Variants in ADAP1 observed in about 807,000 individuals in gnomAD.
The protein encoded by ADAP1 is arf-GAP with dual PH domain-containing protein 1.
ADAP1 carries 31 observed loss-of-function variants against 54.9 expected under a neutral mutation model. The ratio of observed to expected loss-of-function variants is 0.56; its 90% CI spans 0.42 to 0.76. The LOEUF (loss-of-function observed/expected upper bound fraction) is 0.76. Among genes scored for constraint, ADAP1 ranks in the 30% least tolerant of loss-of-function variants. The pLI is 0.00. For synonymous variants in ADAP1, 313 were observed against 202.6 expected, an observed-to-expected ratio of 1.55 and a Z score of -4.63; for missense variants, 535 against 512.4, an observed-to-expected ratio of 1.04 and a Z score of -0.42.
rs1449247759 is a variant in ADAP1 at position 898,823 on chromosome 7, G to C, written c.*98C>G. 2.0e-6 allele frequency: 3 copies of C among 1,505,204 alleles called. No homozygotes were observed. Among genetic ancestry groups the C allele is most frequent in the Non-Finnish European group, 2.7e-6 (3 of 1,114,892 alleles). 93.2% of individuals were successfully genotyped at this position (1,505,204 alleles called of 1,614,324 possible). On this transcript the variant is annotated 3_prime_UTR_variant, in exon 11 of 11. Transcript: ENST00000265846. ...GCCGGGCTGCCCTGAGGAGCAGGTG[G>C]GGCCAGGTGGCCTCAGGACGCCAGA...
chr7:901,659 A>G (rs1347569141), intron 6 of ADAP1, among the ~76,000 whole-genome samples: 1 of 56,448 alleles, frequency 1.8e-5, no homozygotes, highest in Admixed American at 2.7e-4. Flanking sequence ...ACTGCCCCTC[A>G]TCGGCCTCCA....
chr7:913,074 G>C (rs982492273), intron 4 of ADAP1, among the ~76,000 whole-genome samples: 1 of 152,182 alleles, frequency 6.6e-6, no homozygotes, highest in Non-Finnish European at 1.5e-5. Flanking sequence ...TGAACTCCTG[G>C]CTCAAGCAAC....
intron 2 of ADAP1, among the ~76,000 whole-genome samples, chr7:929,330 G>C (rs1022552237): frequency 6.6e-6 from 1 of 150,498 alleles, no homozygotes; most frequent in Non-Finnish European, 1.5e-5. Flanking sequence ...TCTGACACAC[G>C]CTACAACCCA....
intron 2 of ADAP1, chr7:927,360 G>A: frequency 1.3e-6 from 1 of 749,612 alleles, no homozygotes. Flanking sequence ...CGCCAGCCAG[G>A]TATGGTGAGC....
At chr7:954,767 C>T (rs1417666406), upstream of ADAP1, 1 of 937,508 alleles carries the variant, frequency 1.1e-6, no homozygotes, top group Non-Finnish European at 1.3e-6. Flanking sequence ...CGTGTGGCCT[C>T]CTCCCTCGGC....
Position 919,586 on chromosome 7 carries a change from AAG to A in ADAP1, c.388+380_388+381del, listed in dbSNP as rs552770042. 2.1e-5 allele frequency among the ~76,000 whole-genome samples: 3 copies of A among 145,100 alleles called. No homozygotes were observed. The East Asian group carries it at 6.2e-4, about 30-fold the overall frequency. On this transcript the variant is annotated intron_variant, in intron 4 of 10. Transcript: ENST00000265846. ...ATAGAGAGAGGATGAGATAGACGTG[AAG>A]AGAGAGGAAGAGAGACAGAGAATGA... is the stretch of plus-strand genomic sequence containing the variant.
At chr7:932,226 CAG>C (rs1328694891) in intron 2 of ADAP1, among the ~76,000 whole-genome samples, 1 of 152,204 alleles carries the variant, frequency 6.6e-6, no homozygotes, top group Non-Finnish European at 1.5e-5. Context: ...CGGCAGGAAT[CAG>C]GGGTTTCTTG....
In ADAP1 at chr7:935,360, C is replaced by T. The variant is rs199701620; in HGVS notation, c.213+15G>A. On this transcript the variant is annotated intron_variant, in intron 2 of 10. Coordinates refer to ENST00000265846, the MANE Select transcript of ADAP1 (RefSeq NM_006869.4). ...CGGGGACTGCGCGGGTCCCCCCGCC[C>T]CTCCCCCTCCGTACCTCCACTTGGG... 4.5e-4 allele frequency: 702 copies of T among 1,552,194 alleles called. 1 individual carries two copies. In the African/African-American group the frequency reaches 8.1e-3, roughly 18 times the overall value.
At chr7:912,770 G>A (rs1337999815) in intron 4 of ADAP1, among the ~76,000 whole-genome samples, 6 of 151,314 alleles carry the variant, frequency 4.0e-5, no homozygotes, top group Non-Finnish European at 5.9e-5. Flanking sequence ...GCGCGATCTC[G>A]GCTCCCTGCA....
rs1289046072 is a variant in ADAP1, at chr7:954,430, C to T, written c.48G>A (p.Pro16=). The change falls in exon 1 of 11, where the codon CCG becomes CCA. Residue 16 remains proline (P), a synonymous_variant. Transcript: ENST00000265846. Reference sequence around the variant, plus strand: ...CGCAGTCCGCGCAGCGCGCGTTCCCCGGCCGCTGCAGCAGCTCCAGGACCG... The same window carrying T: ...CGCAGTCCGCGCAGCGCGCGTTCCCTGGCCGCTGCAGCAGCTCCAGGACCG... ...RRAVLELLQR[P]GNARCADCGA... is the part of the protein sequence containing the mutation. The T allele has an allele frequency of 4.4e-6, 5 of 1,140,002 alleles. No individual in the cohort carries two copies. Among genetic ancestry groups the T allele is most frequent in the Non-Finnish European group, 5.4e-6 (5 of 917,522 alleles). 70.6% of individuals were successfully genotyped at this position (1,140,002 alleles called of 1,614,324 possible).
At chr7:916,115 A>G (rs1249867521) in intron 4 of ADAP1, among the ~76,000 whole-genome samples, 1 of 152,238 alleles carries the variant, frequency 6.6e-6, no homozygotes, top group Non-Finnish European at 1.5e-5. Flanking sequence ...CGGCCCGACC[A>G]GTCAGAGGTG....
chr7:935,305 C>G, intron 2 of ADAP1, 70 bp downstream of exon 2: 1 of 1,522,412 alleles, frequency 6.6e-7, no homozygotes, highest in Non-Finnish European at 8.8e-7. Context: ...CCCGGCATCT[C>G]TGGCTCCAGA....
rs140609739 is a variant in ADAP1 at position 941,011 on chromosome 7, G to A, written c.83-5506C>T. 2.3e-3 allele frequency among the ~76,000 whole-genome samples: 347 copies of A among 151,672 alleles called. 2 individuals carry two copies. Among genetic ancestry groups the A allele is most frequent in the African/African-American group, 7.3e-3 (303 of 41,278 alleles). On this transcript the variant is annotated intron_variant, in intron 1 of 10. Coordinates refer to ENST00000265846, the MANE Select transcript of ADAP1 (RefSeq NM_006869.4). ...CAGATGCAAAAAATGTTGGCAAAAC[G>A]CAACATCCTGATAAAACTCTCAGAA... is the stretch of plus-strand genomic sequence containing the variant.
intron 3 of ADAP1, chr7:923,216 C>T (rs946390789): frequency 6.6e-6 from 1 of 152,012 alleles, no homozygotes; most frequent in Non-Finnish European, 1.5e-5. Context: ...TTCCAGGAGC[C>T]CCAGACATGC....
chr7:905,314 G>GGGGGAGACGGGC (rs1554271666), intron 4 of ADAP1, 142 bp from the exon 5 acceptor site: 1 of 433,298 alleles, frequency 2.3e-6, no homozygotes, highest in African/African-American at 3.3e-5. Context: ...GAGACGGACG[G>GGGGGAGACGGGC]GGAGAGGGGA....
At chr7:927,234 G>T in intron 2 of ADAP1, 1 of 1,265,944 alleles carries the variant, frequency 7.9e-7, no homozygotes, top group Non-Finnish European at 1.0e-6. Flanking sequence ...GTGAAGGAGG[G>T]GAGGTGCTGC....
rs577982289 is a variant in ADAP1, at chr7:920,663, C to T, written c.306-613G>A. The T allele has an allele frequency of 6.6e-5, 54 of 815,382 alleles. No homozygotes were observed. The Middle Eastern group carries it at 9.1e-4, about 14-fold the overall frequency. 50.5% of individuals were successfully genotyped at this position (815,382 alleles called of 1,614,324 possible). A position where few individuals can be genotyped will look rare whatever the true frequency, so the allele number is the denominator to read the frequency against. ...AAATACCCAAGAATCCAGGAAGACC[C>T]GGGATGAGGAGAAGCCCCCGAGAGT... On this transcript the variant is annotated intron_variant, in intron 3 of 10. Transcript: ENST00000265846. This position sits in a 1 kb window ranked among gnomAD's most constrained non-coding sequence, Gnocchi z 4.5.
chr7:920,740 G>A lies in ADAP1; in HGVS notation c.306-690C>T. 6.6e-7 allele frequency: 1 copy of A among 1,519,716 alleles called. No individual in the cohort carries two copies. Among genetic ancestry groups the A allele is most frequent in the Non-Finnish European group, 8.9e-7 (1 of 1,123,648 alleles). 94.1% of individuals were successfully genotyped at this position (1,519,716 alleles called of 1,614,324 possible). On this transcript the variant is annotated intron_variant, in intron 3 of 10. Transcript: ENST00000265846. The surrounding 1 kb of genome is among the most constrained non-coding windows in gnomAD (Gnocchi z 4.5). ...GCACCCACTGAGCCCAGACATCCCT[G>A]CCCAGAGCCACCCACCACGGCCTCC...
chr7:936,151 C>T (rs1300602779), intron 1 of ADAP1, among the ~76,000 whole-genome samples: 1 of 152,146 alleles, frequency 6.6e-6, no homozygotes, highest in African/African-American at 2.4e-5. Context: ...TTAAAAGGTC[C>T]AACAAAGCTG....
Sources: gnomAD v4.1 joint callset for allele counts (sites outside exome capture counted in the v4.1 genomes callset) on GRCh38, gnomAD v4.1.1 for gene constraint, Gnocchi (gnomAD v3.1) non-coding constraint, MANE v1.5 for transcripts, NCBI Gene and HGNC (gene_info 2026-07-23, HGNC 2026-07-21) for gene names.